NRP1: variants seen among roughly 807,000 people sequenced by gnomAD.
NRP1 encodes neuropilin 1, also known as neuropilin-1.
Under a neutral mutation model 106.7 loss-of-function variants are expected in NRP1, and 35 were observed. That is an observed-to-expected ratio of 0.33 (90% CI 0.25 to 0.43). NRP1 has a LOEUF of 0.43. Among genes scored for constraint, NRP1 ranks in the 20% least tolerant of loss-of-function variants. The pLI is 1.00. For synonymous variants in NRP1, 437 were observed against 417.9 expected (o/e 1.05, Z -0.56); for missense variants, 1,024 against 1,170.4 (o/e 0.87, Z 1.83).
At chr10:33,189,548 T>C (rs111432042) in intron 13 of NRP1, among the ~76,000 whole-genome samples, 2 of 152,190 alleles carry the variant, frequency 1.3e-5, no homozygotes, top group African/African-American at 4.8e-5. Flanking sequence ...GTATTTCCAG[T>C]GCCCAAGTCA....
chr10:33,226,649 G>GAACA (rs964773009), intron 6 of NRP1, among the ~76,000 whole-genome samples: 1 of 152,160 alleles, frequency 6.6e-6, no homozygotes, highest in African/African-American at 2.4e-5. Flanking sequence ...ATTAATGATA[G>GAACA]AACAGCTCTT....
chr10:33,232,347 G>A (rs922233455), intron 6 of NRP1, among the ~76,000 whole-genome samples: 6 of 152,128 alleles, frequency 3.9e-5, no homozygotes, highest in African/African-American at 1.4e-4. Flanking sequence ...TATTTTGAAA[G>A]AATATCATTA....
chr10:33,245,470 C>T (rs1317669759), intron 6 of NRP1, among the ~76,000 whole-genome samples: 1 of 152,176 alleles, frequency 6.6e-6, no homozygotes, highest in Non-Finnish European at 1.5e-5. Context: ...TAGATGTAGT[C>T]CAACCATGTA....
At chr10:33,187,690 C>T (rs2132604886) in intron 13 of NRP1, among the ~76,000 whole-genome samples, 1 of 152,344 alleles carries the variant, frequency 6.6e-6, no homozygotes, top group Middle Eastern at 3.4e-3. Context: ...AAATCATCTT[C>T]TCTAACACCT....
intron 8 of NRP1, among the ~76,000 whole-genome samples, chr10:33,216,887 A>G (rs770410714): frequency 6.6e-6 from 1 of 152,136 alleles, no homozygotes; most frequent in Non-Finnish European, 1.5e-5. Flanking sequence ...TATTTGCTCA[A>G]CAAATATTTG....
intron 14 of NRP1, 115 bp from the exon 15 acceptor site, chr10:33,185,839 G>A (rs547289495): frequency 2.5e-5 from 23 of 909,986 alleles, no homozygotes; most frequent in African/African-American, 4.9e-5. Context: ...CAGATTCAGC[G>A]TAACACAGAC....
chr10:33,317,787 C>CT, intron 2 of NRP1, among the ~76,000 whole-genome samples: 1 of 152,324 alleles, frequency 6.6e-6, no homozygotes, highest in East Asian at 1.9e-4. Flanking sequence ...CTCCATCCAT[C>CT]TAGATCTTCA....
At position 33,221,929 on chromosome 10, in the gene NRP1, T is replaced by G. The variant is rs569991883; in HGVS notation, c.1138-66A>C. ...TGGATTTAAATCCATAAATGTGTTT[T>G]CACAAATGGTTGTAAAAATTATTTA... On this transcript the variant is annotated intron_variant, in intron 7 of 16. Transcript: ENST00000374867. 8 of 1,514,432 alleles carry G rather than the reference T, an allele frequency of 5.3e-6. No individual in the cohort carries two copies. The African/African-American group carries it at 1.1e-4, about 21-fold the overall frequency. The allele number at this position is 1,514,432 out of a possible 1,614,324, so 93.8% of individuals were successfully genotyped here. A position where few individuals can be genotyped will look rare whatever the true frequency, so the allele number is the denominator to read the frequency against.
At chr10:33,304,855 C>T (rs1014022610) in intron 2 of NRP1, among the ~76,000 whole-genome samples, 3 of 152,204 alleles carry the variant, frequency 2.0e-5, no homozygotes, top group East Asian at 1.9e-4. Context: ...GTCTGTCACA[C>T]GAGTAGAAAT....
chr10:33,299,705 G>C (rs1340083950), intron 2 of NRP1, among the ~76,000 whole-genome samples: 1 of 152,178 alleles, frequency 6.6e-6, no homozygotes, highest in East Asian at 1.9e-4. Context: ...AGGCTCCCTT[G>C]AGCCCAGGAG....
chr10:33,249,879 C>A (rs562154193), intron 6 of NRP1, among the ~76,000 whole-genome samples: 1 of 151,120 alleles, frequency 6.6e-6, no homozygotes, highest in Admixed American at 6.6e-5. Context: ...ACGTTCATAT[C>A]GACAGTTAAT....
intron 10 of NRP1, 108 bp downstream of exon 10, chr10:33,207,464 T>A: frequency 8.1e-7 from 1 of 1,232,412 alleles, no homozygotes; most frequent in Non-Finnish European, 1.1e-6. Context: ...ATAAGGGGCC[T>A]CCCAAGGGAA....
At chr10:33,308,214 A>T (rs1394993934) in intron 2 of NRP1, among the ~76,000 whole-genome samples, 1 of 151,952 alleles carries the variant, frequency 6.6e-6, no homozygotes, top group Non-Finnish European at 1.5e-5. Flanking sequence ...CTACTTGAGG[A>T]TGGAGGGTGG....
At chr10:33,284,892 T>C (rs1006629158) in intron 2 of NRP1, among the ~76,000 whole-genome samples, 4 of 152,238 alleles carry the variant, frequency 2.6e-5, no homozygotes, top group African/African-American at 9.6e-5. Flanking sequence ...GGGCTTGCTA[T>C]GTGCTATTTT....
chr10:33,307,484 A>G (rs966463298), intron 2 of NRP1, among the ~76,000 whole-genome samples: 1 of 152,140 alleles, frequency 6.6e-6, no homozygotes, highest in Non-Finnish European at 1.5e-5. Flanking sequence ...AATTTGTGCC[A>G]TAAAAAAAAA....
chr10:33,197,223 A>G (rs988197453), intron 12 of NRP1, among the ~76,000 whole-genome samples: 1 of 152,208 alleles, frequency 6.6e-6, no homozygotes, highest in East Asian at 1.9e-4. Flanking sequence ...CACTGGAAAC[A>G]CTGTTGTAAA....
intron 2 of NRP1, among the ~76,000 whole-genome samples, chr10:33,303,305 C>G (rs1229320187): frequency 6.6e-6 from 1 of 152,212 alleles, no homozygotes; most frequent in African/African-American, 2.4e-5. Context: ...AATTACCTGA[C>G]AAGAAGAAAG....
intron 2 of NRP1, among the ~76,000 whole-genome samples, chr10:33,319,561 C>T (rs887257666): frequency 9.8e-5 from 14 of 142,648 alleles, no homozygotes; most frequent in Non-Finnish European, 1.5e-4. Flanking sequence ...GTGGTGCCAT[C>T]TTTTTTTTTT....
chr10:33,223,383 G>C (rs888276208), intron 7 of NRP1, among the ~76,000 whole-genome samples: 1 of 152,088 alleles, frequency 6.6e-6, no homozygotes, highest in African/African-American at 2.4e-5. Flanking sequence ...AACTTTAGGA[G>C]GCCAAGGCAG....
Sources: allele counts gnomAD v4.1 joint callset (sites outside exome capture counted in the v4.1 genomes callset), GRCh38; gene constraint gnomAD v4.1.1; transcripts MANE v1.5; gene names NCBI Gene and HGNC (gene_info 2026-07-23, HGNC 2026-07-21).